Variants in NRXN1 observed in about 807,000 individuals in gnomAD.
The protein encoded by NRXN1 is neurexin-1.
A neutral mutation model predicts 150.9 loss-of-function variants in NRXN1; 39 were observed. The ratio of observed to expected loss-of-function variants is 0.26; its 90% confidence interval spans 0.20 to 0.34. The LOEUF is 0.34. NRXN1 is among the 10% of genes least tolerant of loss of function. The probability of loss-of-function intolerance (pLI) is 1.00; values close to 1 mark genes in which losing one functional copy is unlikely to be tolerated. For missense variants in NRXN1, 1,815 were observed against 1,949.9 expected (o/e 0.93, Z 1.30); for synonymous variants, 924 against 757.0 (o/e 1.22, Z -3.62).
At chr2:50,268,476 A>T (rs1020674272) in intron 17 of NRXN1, among the ~76,000 whole-genome samples, 1 of 152,142 alleles carries the variant, frequency 6.6e-6, no homozygotes, top group Admixed American at 6.5e-5. Flanking sequence ...TTGATCATTA[A>T]CAGGACACTT....
At chr2:50,655,313 T>C (rs192897126) in intron 5 of NRXN1, among the ~76,000 whole-genome samples, 200 of 152,162 alleles carry the variant, frequency 1.3e-3, no homozygotes, top group Middle Eastern at 3.4e-3. Context: ...AGAACTTCAT[T>C]TAAAACATTT....
chr2:50,139,242 C>G (rs561353526), intron 18 of NRXN1, among the ~76,000 whole-genome samples: 77 of 148,546 alleles, frequency 5.2e-4, no homozygotes, highest in African/African-American at 1.9e-3. Context: ...AGGAGAGTTG[C>G]TTGATCCTGG....
At chr2:50,535,216 T>C (rs972873928) in intron 10 of NRXN1, among the ~76,000 whole-genome samples, 2 of 152,238 alleles carry the variant, frequency 1.3e-5, no homozygotes, top group African/African-American at 4.8e-5. Flanking sequence ...CCTTGAACAC[T>C]AGTAAAATTA....
At chr2:50,919,262 A>G (rs1010404473) in intron 5 of NRXN1, 1 of 151,782 alleles carries the variant, frequency 6.6e-6, no homozygotes, top group South Asian at 2.1e-4. Flanking sequence ...AAGGATCAAC[A>G]TCAACTCTGT....
intron 18 of NRXN1, among the ~76,000 whole-genome samples, chr2:50,112,410 T>G (rs1702493578): frequency 2.6e-5 from 4 of 152,204 alleles, no homozygotes; most frequent in Admixed American, 2.6e-4. Context: ...GCTGGTCCCT[T>G]CGTTGTTCAG....
chr2:50,388,596 T>A (rs964271666), intron 17 of NRXN1, among the ~76,000 whole-genome samples: 1 of 152,208 alleles, frequency 6.6e-6, no homozygotes, highest in Non-Finnish European at 1.5e-5. Context: ...AACTCTAAAA[T>A]TGGGTTTCTG....
At chr2:50,785,373 C>T (rs1484562319) in intron 5 of NRXN1, among the ~76,000 whole-genome samples, 3 of 151,684 alleles carry the variant, frequency 2.0e-5, no homozygotes, top group South Asian at 2.1e-4. Flanking sequence ...CTCAGCCTCC[C>T]GAGTAGCTGG....
intron 16 of NRXN1, among the ~76,000 whole-genome samples, chr2:50,471,553 C>T (rs915495474): frequency 6.6e-5 from 10 of 151,806 alleles, no homozygotes; most frequent in African/African-American, 2.4e-4. Flanking sequence ...ATGCATTGCG[C>T]AGTGATAAAT....
chr2:50,851,384 T>C (rs1242728983), intron 5 of NRXN1, among the ~76,000 whole-genome samples: 2 of 152,144 alleles, frequency 1.3e-5, no homozygotes, highest in East Asian at 3.9e-4. Context: ...ACAAGAAATA[T>C]ATAAGTGTTT....
chr2:49,923,895 T>G (rs925265359), intron 22 of NRXN1, among the ~76,000 whole-genome samples: 1 of 152,264 alleles, frequency 6.6e-6, no homozygotes, highest in African/African-American at 2.4e-5. Flanking sequence ...TTGCTTGTTT[T>G]ACAAAAGCCC....
chr2:50,157,045 G>C (rs1338789375), intron 18 of NRXN1, among the ~76,000 whole-genome samples: 6 of 151,960 alleles, frequency 3.9e-5, no homozygotes, highest in African/African-American at 1.4e-4. Context: ...TTAAGTAGGT[G>C]TTATTAAGTA....
At chr2:50,691,490 A>C (rs752187300) in intron 5 of NRXN1, among the ~76,000 whole-genome samples, 2 of 152,188 alleles carry the variant, frequency 1.3e-5, no homozygotes, top group Non-Finnish European at 2.9e-5. Context: ...TTATTTTTTT[A>C]GGAAGGATAA....
intron 8 of NRXN1, among the ~76,000 whole-genome samples, chr2:50,597,081 C>A (rs79548590): frequency 1.3e-5 from 2 of 151,942 alleles, no homozygotes; most frequent in African/African-American, 4.8e-5. Flanking sequence ...TGGGCTCAAG[C>A]TATCTGCCTG....
chr2:50,312,630 C>T, intron 17 of NRXN1: 1 of 458,532 alleles, frequency 2.2e-6, no homozygotes, highest in Non-Finnish European at 4.4e-6. Context: ...ACATGTTAAA[C>T]CTGAGGTATG....
intron 21 of NRXN1, among the ~76,000 whole-genome samples, chr2:49,986,845 C>G (rs1680996355): frequency 6.6e-6 from 1 of 152,034 alleles, no homozygotes; most frequent in African/African-American, 2.4e-5. Flanking sequence ...AGGTGGATTG[C>G]TTGAGCCCAG....
In NRXN1 at chr2:50,299,266, T is replaced by C. The variant is rs564380035; in HGVS notation, c.3365-62296A>G. Among the ~76,000 whole-genome samples the C allele has an allele frequency of 2.6e-5, 4 of 152,322 alleles. No homozygotes were observed. The East Asian group carries it at 5.8e-4, about 22-fold the overall frequency. On this transcript the variant is annotated intron_variant, in intron 17 of 22. Coordinates refer to ENST00000401669, the MANE Select transcript of NRXN1 (RefSeq NM_001330078.2). Reference sequence around the variant, plus strand: ...CTATATCAGCTAGAAATCTGTCATCTGCTATATATTGGCTCTAATGATAAT... The same window carrying C: ...CTATATCAGCTAGAAATCTGTCATCCGCTATATATTGGCTCTAATGATAAT...
intron 17 of NRXN1, among the ~76,000 whole-genome samples, chr2:50,339,209 C>G (rs1443578517): frequency 2.6e-5 from 4 of 152,122 alleles, no homozygotes; most frequent in Non-Finnish European, 5.9e-5. Context: ...CTTTTACAAT[C>G]TGTTAATTTT....
Position 49,943,741 on chromosome 2 carries a change from C to G in NRXN1, c.4179G>C (p.Glu1393Asp), listed in dbSNP as rs761897937. ...VASAECPSDD[E>D]DIDPCEPSSG... ...AGCTCGGCTCACAGGGGTCAATGTCCTCATCATCGCTGGGACACTCTGCTG... is the reference window on the plus strand; with the variant it reads ...AGCTCGGCTCACAGGGGTCAATGTCGTCATCATCGCTGGGACACTCTGCTG... Residue 1393 changes from glutamate (E) to aspartate (D), a missense_variant, in exon 22 of 23, where the codon GAG (glutamate) becomes GAC (aspartate). Transcript: ENST00000401669. 1 of 1,612,408 alleles carries G rather than the reference C, an allele frequency of 6.2e-7. No individual in the cohort carries two copies. Among genetic ancestry groups the G allele is most frequent in the Non-Finnish European group, 8.5e-7 (1 of 1,179,306 alleles).
chr2:50,133,359 A>G (rs1157285924), intron 18 of NRXN1, among the ~76,000 whole-genome samples: 1 of 142,966 alleles, frequency 7.0e-6, no homozygotes, highest in Non-Finnish European at 1.5e-5. Context: ...AGGAGGTCTG[A>G]AGAAAACTTA....
Sources: allele counts gnomAD v4.1 joint callset (sites outside exome capture counted in the v4.1 genomes callset), GRCh38; gene constraint gnomAD v4.1.1; transcripts MANE v1.5; gene names NCBI Gene and HGNC (gene_info 2026-07-23, HGNC 2026-07-21).